The following TNS1 variants were observed in gnomAD, a reference collection of about 807,000 sequenced individuals.
TNS1 encodes the protein tensin-1.
In TNS1, 62 loss-of-function variants were observed where a neutral mutation model predicts 168.6. The ratio of observed to expected loss-of-function variants is 0.37; its 90% CI spans 0.30 to 0.45. The LOEUF is 0.45. Ranked by LOEUF, TNS1 falls within the 20% of genes least tolerant of loss-of-function variation. The probability of loss-of-function intolerance (pLI) is 1.00; values close to 1 mark genes in which losing one functional copy is unlikely to be tolerated. For missense variants in TNS1, 2,240 were observed against 2,339.4 expected, an observed-to-expected ratio of 0.96 and a Z score of 0.88; for synonymous variants, 934 against 933.2, an observed-to-expected ratio of 1.00 and a Z score of -0.02.
intron 3 of TNS1, among the ~76,000 whole-genome samples, chr2:217,933,970 A>G (rs1041133481): frequency 3.9e-5 from 6 of 152,214 alleles, no homozygotes; most frequent in Non-Finnish European, 5.9e-5. Context: ...CGGGACAACC[A>G]TATTATTTGA....
At chr2:217,936,985 C>CT (rs1393761094) in intron 3 of TNS1, 2 of 456,824 alleles carry the variant, frequency 4.4e-6, no homozygotes, top group Non-Finnish European at 4.4e-6. Context: ...CTGCATGCCA[C>CT]TGGGCCTCTG....
At chr2:218,019,551 A>G (rs1574482773) in intron 1 of TNS1, among the ~76,000 whole-genome samples, 2 of 151,948 alleles carry the variant, frequency 1.3e-5, no homozygotes, top group South Asian at 4.1e-4. Flanking sequence ...GCCTCTTTCC[A>G]CCCTTGGGTC....
chr2:217,935,770 G>A (rs1265038662), intron 3 of TNS1, among the ~76,000 whole-genome samples: 1 of 152,190 alleles, frequency 6.6e-6, no homozygotes, highest in African/African-American at 2.4e-5. Context: ...CAAGGTTTAT[G>A]CAGAACAGCC....
intron 3 of TNS1, among the ~76,000 whole-genome samples, chr2:217,930,057 C>T (rs1442954191): frequency 1.3e-5 from 2 of 152,196 alleles, no homozygotes; most frequent in Admixed American, 6.5e-5. Context: ...CCCTTCGGGA[C>T]CTGGCTATGC....
intron 19 of TNS1, among the ~76,000 whole-genome samples, chr2:217,846,954 G>C (rs1218058053): frequency 2.0e-5 from 3 of 152,238 alleles, no homozygotes; most frequent in Non-Finnish European, 4.4e-5. Context: ...TACCCTCTCG[G>C]ACTCTTTCAT....
intron 1 of TNS1, among the ~76,000 whole-genome samples, chr2:217,998,965 G>C (rs1958515104): frequency 6.6e-6 from 1 of 152,172 alleles, no homozygotes; most frequent in Middle Eastern, 3.2e-3. Context: ...AGCTTGAAGA[G>C]AGCAGGCCCT....
chr2:218,011,127 A>G (rs1204766384), upstream of TNS1, among the ~76,000 whole-genome samples: 2 of 152,088 alleles, frequency 1.3e-5, no homozygotes, highest in Non-Finnish European at 2.9e-5. Context: ...CAGGGCCTCC[A>G]CTTCACATCT....
chr2:218,009,298 A>C (rs538899285), intron 1 of TNS1, among the ~76,000 whole-genome samples: 7 of 152,180 alleles, frequency 4.6e-5, no homozygotes, highest in Admixed American at 1.3e-4. Flanking sequence ...GGAGAATTTA[A>C]AGTTACACAC....
chr2:217,915,307 C>G (rs374606378), intron 4 of TNS1, among the ~76,000 whole-genome samples: 1 of 152,168 alleles, frequency 6.6e-6, no homozygotes, highest in African/African-American at 2.4e-5. Flanking sequence ...TCTGACACTG[C>G]GAGACCTTCA....
chr2:218,012,640 C>T (rs1958715907), upstream of TNS1, among the ~76,000 whole-genome samples: 1 of 152,136 alleles, frequency 6.6e-6, no homozygotes. Flanking sequence ...TTCTGGCCCC[C>T]CACCCCCCAT....
intron 3 of TNS1, among the ~76,000 whole-genome samples, chr2:217,974,021 C>T (rs1298884426): frequency 1.3e-5 from 2 of 152,186 alleles, no homozygotes; most frequent in African/African-American, 2.4e-5. Flanking sequence ...GAGTGAAATA[C>T]GCCGGATACA....
chr2:218,003,325 G>C (rs779121156), upstream of TNS1, among the ~76,000 whole-genome samples: 14 of 152,044 alleles, frequency 9.2e-5, no homozygotes, highest in Non-Finnish European at 1.6e-4. Flanking sequence ...AACCAGCCTG[G>C]GGGCCTTCAC....
In TNS1 at chr2:217,821,753, G is replaced by A; in HGVS notation, c.3559C>T (p.Leu1187Phe). 10 of 1,487,264 alleles carry A rather than the reference G, an allele frequency of 6.7e-6. No individual in the cohort carries two copies. Among genetic ancestry groups the A allele is most frequent in the Non-Finnish European group, 8.9e-6 (10 of 1,121,728 alleles). 92.1% of individuals were successfully genotyped at this position (1,487,264 alleles called of 1,614,324 possible). Residue 1187 changes from leucine to phenylalanine, a missense_variant, in exon 23 of 33, where the codon CTC becomes TTC. Around this residue, in one of 2 missense-constraint regions of TNS1, gnomAD observed 2,131 missense variants for 2,171.2 expected, o/e 0.98. Coordinates refer to ENST00000682258, the MANE Select transcript of TNS1 (RefSeq NM_001387777.1). Reference sequence around the variant, plus strand: ...TTCCCGGCTTACCTGTCAGCACTGAGGATGGGGCTGCTGGTGGAGAGGGGG... The same window carrying A: ...TTCCCGGCTTACCTGTCAGCACTGAAGATGGGGCTGCTGGTGGAGAGGGGG... ...PSPLSTSSPI[L>F]SADSTSVGSF... is the part of the protein sequence containing the mutation.
upstream of TNS1, among the ~76,000 whole-genome samples, chr2:218,006,143 C>T (rs1277788718): frequency 2.0e-5 from 3 of 152,382 alleles, no homozygotes; most frequent in Non-Finnish European, 4.4e-5. Context: ...CAGCCCCCTG[C>T]TCAGCAGCCA....
chr2:217,812,479 G>T, intron 27 of TNS1, 34 bp from the exon 28 acceptor site: 1 of 1,589,238 alleles, frequency 6.3e-7, no homozygotes. Context: ...CATGGGCAGT[G>T]ATACTGGAAG....
rs771971669 is a variant in TNS1, at chr2:217,836,087, G to A, written c.3132C>T (p.Arg1044=). 1.8e-5 allele frequency: 29 copies of A among 1,613,974 alleles called. No homozygotes were observed. ...CCGGGGAGACACACTGGACAGGGGA[G>A]CGAACCCCAGGGCTACGAGGGGATG... ...EATSPRSPGV[R]SPVQCVSPEL... is the part of the protein sequence containing the mutation. The change falls in exon 20 of 33, where the codon CGC becomes CGT. Residue 1044 remains arginine (R), a synonymous_variant. Transcript: ENST00000682258.
At position 217,804,508 on chromosome 2, in the gene TNS1, A is replaced by G; in HGVS notation, c.5471T>C (p.Ile1824Thr). 1 of 1,614,132 alleles carries G rather than the reference A, an allele frequency of 6.2e-7. No individual in the cohort carries two copies. The highest frequency in any genetic ancestry group is 8.5e-7 in the Non-Finnish European group (1 of 1,180,006). Residue 1824 changes from isoleucine (I) to threonine (T), a missense_variant, in exon 33 of 33, where the codon ATC becomes ACC. Transcript: ENST00000682258. Reference protein sequence around the residue: ...ELDPNQPASAIVNFVSKVMLN... With the variant: ...ELDPNQPASATVNFVSKVMLN... ...CATGACCTTGGAGACGAAGTTGACG[A>G]TGGCAGAGGCCGGCTGGTTGGGGTC... is the stretch of plus-strand genomic sequence containing the variant.
chr2:217,813,714 G>A lies in TNS1; in HGVS notation c.4832C>T (p.Pro1611Leu), dbSNP rs1269778580. The change falls in exon 26 of 33, where the codon CCT (proline) becomes CTT (leucine). Residue 1611 changes from proline to leucine, a missense_variant. By Grantham distance (98) the Pro-to-Leu change is moderately conservative. Around this residue, in one of 2 missense-constraint regions of TNS1, gnomAD observed 2,131 missense variants for 2,171.2 expected, o/e 0.98. Transcript: ENST00000682258. The surrounding 1 kb of genome is among the most constrained non-coding windows in gnomAD (Gnocchi z 4.0). ...TTTATTCTGCTGCATGATGGTTGGA[G>A]GTGGCGAAGACACCTTCATGGCCAG... is the stretch of plus-strand genomic sequence containing the variant. ...YGLAMKVSSP[P>L]PTIMQQNKKG... 2 of 1,612,934 alleles carry A rather than the reference G, an allele frequency of 1.2e-6. No homozygotes were observed. The highest frequency in any genetic ancestry group is 1.7e-6 in the Non-Finnish European group (2 of 1,179,490).
chr2:217,877,470 G>A (rs1950295248), intron 18 of TNS1, among the ~76,000 whole-genome samples: 1 of 152,208 alleles, frequency 6.6e-6, no homozygotes, highest in South Asian at 2.1e-4. Flanking sequence ...GTTGGTACAG[G>A]CTGAGCTGAG....
Sources: allele counts gnomAD v4.1 joint callset (sites outside exome capture counted in the v4.1 genomes callset), GRCh38; gene constraint gnomAD v4.1.1; regional missense constraint gnomAD v4.1.1; non-coding constraint Gnocchi (gnomAD v3.1); transcripts MANE v1.5; gene names NCBI Gene and HGNC (gene_info 2026-07-23, HGNC 2026-07-21).